The following CTNNA2 variants were observed in gnomAD, a reference collection of about 807,000 sequenced individuals.
CTNNA2 encodes catenin alpha-2.
A neutral mutation model predicts 101.0 loss-of-function variants in CTNNA2; 42 were observed. That is an observed-to-expected ratio of 0.42 (90% CI 0.32 to 0.54). The LOEUF is 0.54. Ranked by LOEUF, CTNNA2 falls within the 20% of genes least tolerant of loss-of-function variation. The pLI, the probability that CTNNA2 is intolerant of heterozygous loss-of-function variation, is 0.14. For missense variants in CTNNA2, 871 were observed against 1,223.1 expected (o/e 0.71, Z 4.29); for synonymous variants, 450 against 456.4 (o/e 0.99, Z 0.18).
At chr2:79,993,359 G>A (rs1159552326) in intron 7 of CTNNA2, among the ~76,000 whole-genome samples, 2 of 151,976 alleles carry the variant, frequency 1.3e-5, no homozygotes, top group East Asian at 3.9e-4. Context: ...CATTTTTTGG[G>A]CTCCCACGTG....
intron 9 of CTNNA2, among the ~76,000 whole-genome samples, chr2:80,489,442 A>G (rs893764468): frequency 6.6e-6 from 1 of 152,204 alleles, no homozygotes; most frequent in African/African-American, 2.4e-5. Flanking sequence ...TTATAAATGC[A>G]CTGCTGATAA....
intron 7 of CTNNA2, among the ~76,000 whole-genome samples, chr2:80,020,795 CA>C (rs886280292): frequency 6.7e-5 from 10 of 149,884 alleles, no homozygotes; most frequent in Middle Eastern, 3.4e-3. Flanking sequence ...AATCTACTGG[CA>C]AAAAAAAATT....
intron 7 of CTNNA2, among the ~76,000 whole-genome samples, chr2:80,106,637 C>T (rs1204933408): frequency 6.6e-6 from 1 of 152,148 alleles, no homozygotes; most frequent in African/African-American, 2.4e-5. Context: ...CTGCACATTT[C>T]AAGGCCTCGT....
At chr2:79,855,742 T>G (rs578175203) in intron 3 of CTNNA2, among the ~76,000 whole-genome samples, 1 of 152,180 alleles carries the variant, frequency 6.6e-6, no homozygotes, top group East Asian at 1.9e-4. Flanking sequence ...TGGGTTCGTG[T>G]GCAGAATAAA....
intron 2 of CTNNA2, among the ~76,000 whole-genome samples, chr2:79,731,841 T>G (rs1413004697): frequency 1.7e-5 from 1 of 58,556 alleles, no homozygotes; most frequent in African/African-American, 1.6e-4. Context: ...TATTTTTGTT[T>G]TTTTTTTTTA....
chr2:80,347,030 A>G (rs1672799088), intron 7 of CTNNA2, among the ~76,000 whole-genome samples: 1 of 152,202 alleles, frequency 6.6e-6, no homozygotes, highest in Non-Finnish European at 1.5e-5. Context: ...TCCTGTCTTG[A>G]TTAAAGGCTG....
intron 4 of CTNNA2, among the ~76,000 whole-genome samples, chr2:79,437,895 G>A (rs1678734573): frequency 1.3e-5 from 2 of 152,156 alleles, no homozygotes; most frequent in Admixed American, 1.3e-4. Flanking sequence ...ACGCTTTCCA[G>A]GGTCTTTTCT....
Position 79,284,617 on chromosome 2 carries a change from A to G in CTNNA2, c.-405-28092A>G, listed in dbSNP as rs1162442827. Among the ~76,000 whole-genome samples, 225 of 149,216 alleles carry G rather than the reference A, an allele frequency of 1.5e-3. 2 individuals are homozygous for G. Among genetic ancestry groups the G allele is most frequent in the African/African-American group, 4.2e-3 (172 of 40,826 alleles). The stretch of plus-strand genomic sequence containing the variant: ...GCATCCCAGGGATGAAGCCCACTTG[A>G]TCATGGTGGATAAGCTTTTTGATGT... On this transcript the variant is annotated intron_variant, in intron 2 of 21. Transcript: ENST00000466387.
intron 4 of CTNNA2, among the ~76,000 whole-genome samples, chr2:79,500,432 C>T (rs1671306846): frequency 6.6e-6 from 1 of 152,120 alleles, no homozygotes; most frequent in Non-Finnish European, 1.5e-5. Context: ...TTATATTCAC[C>T]TGGGAATCAA....
chr2:80,431,554 A>C (rs1681507574), intron 9 of CTNNA2, among the ~76,000 whole-genome samples: 1 of 152,216 alleles, frequency 6.6e-6, no homozygotes, highest in South Asian at 2.1e-4. Context: ...TTACAAGGAA[A>C]ACATGTCATT....
chr2:79,456,684 T>G (rs1011882493), intron 4 of CTNNA2, among the ~76,000 whole-genome samples: 3 of 152,184 alleles, frequency 2.0e-5, no homozygotes, highest in Non-Finnish European at 4.4e-5. Context: ...AGAAAAGATT[T>G]TTTTCCTACT....
At chr2:79,478,858 C>T (rs1022660976) in intron 4 of CTNNA2, among the ~76,000 whole-genome samples, 2 of 152,162 alleles carry the variant, frequency 1.3e-5, no homozygotes, top group African/African-American at 2.4e-5. Flanking sequence ...ACATCCTTTG[C>T]TCTAACAGAC....
chr2:80,584,284 T>C (rs761220458), intron 14 of CTNNA2, among the ~76,000 whole-genome samples: 25 of 152,108 alleles, frequency 1.6e-4, no homozygotes, highest in Admixed American at 2.6e-4. Flanking sequence ...GGTAAATTAA[T>C]CTATAAGAAG....
intron 7 of CTNNA2, among the ~76,000 whole-genome samples, chr2:80,090,146 C>CTCTCTGTG (rs1200774264): frequency 1.1e-4 from 16 of 140,742 alleles, no homozygotes; most frequent in African/African-American, 4.1e-4. Context: ...CTCTCTCTCT[C>CTCTCTGTG]TGTGTGTGTG....
intron 9 of CTNNA2, among the ~76,000 whole-genome samples, chr2:80,468,395 G>A (rs933726675): frequency 6.6e-5 from 10 of 151,794 alleles, no homozygotes; most frequent in Non-Finnish European, 1.3e-4. Context: ...ATGTTATTGC[G>A]TCATGTGCTA....
At chr2:79,436,394 T>A (rs1678714839) in intron 4 of CTNNA2, among the ~76,000 whole-genome samples, 1 of 152,204 alleles carries the variant, frequency 6.6e-6, no homozygotes, top group Non-Finnish European at 1.5e-5. Flanking sequence ...TCACTTTGGC[T>A]GACTTCGCTT....
intron 2 of CTNNA2, among the ~76,000 whole-genome samples, chr2:79,731,881 C>A (rs1687221641): frequency 6.6e-6 from 1 of 150,848 alleles, no homozygotes. Flanking sequence ...TCTTTAAGAG[C>A]AAAAATAAAT....
intron 6 of CTNNA2, among the ~76,000 whole-genome samples, chr2:79,884,320 G>T (rs932306103): frequency 1.3e-5 from 2 of 152,000 alleles, no homozygotes; most frequent in African/African-American, 4.8e-5. Flanking sequence ...TAAAGCATTG[G>T]GCTGCTAAAA....
At chr2:80,065,845 C>G (rs1697950616) in intron 7 of CTNNA2, among the ~76,000 whole-genome samples, 1 of 152,176 alleles carries the variant, frequency 6.6e-6, no homozygotes, top group African/African-American at 2.4e-5. Flanking sequence ...CTTTACCCAC[C>G]TTAGGAGTGG....
Sources: allele counts gnomAD v4.1 joint callset (sites outside exome capture counted in the v4.1 genomes callset), GRCh38; gene constraint gnomAD v4.1.1; transcripts MANE v1.5; gene names NCBI Gene and HGNC (gene_info 2026-07-23, HGNC 2026-07-21).